The following CYSTM1 variants were observed in gnomAD, a reference collection of about 807,000 sequenced individuals.
CYSTM1 encodes the protein cysteine rich transmembrane module containing 1, also known as cysteine-rich transmembrane module-containing protein 1.
CYSTM1 carries 4 observed loss-of-function variants against 13.1 expected under a neutral mutation model. The observed-to-expected ratio is 0.31, with a 90% CI of 0.15 to 0.70. The LOEUF is 0.70. Among genes scored for constraint, CYSTM1 ranks in the 30% least tolerant of loss-of-function variants. CYSTM1 has a pLI of 0.72. For missense variants in CYSTM1, 96 were observed against 121.6 expected (o/e 0.79, Z 0.99); for synonymous variants, 36 against 42.7 (o/e 0.84, Z 0.62).
chr5:140,176,626 GT>G (rs1231477810), intron 1 of CYSTM1, among the ~76,000 whole-genome samples: 2 of 152,156 alleles, frequency 1.3e-5, no homozygotes, highest in African/African-American at 4.8e-5. Flanking sequence ...CAAACACCTT[GT>G]ATCCCTAGGG....
chr5:140,205,362 C>T (rs1380882733), intron 2 of CYSTM1, among the ~76,000 whole-genome samples: 2 of 152,204 alleles, frequency 1.3e-5, no homozygotes, highest in African/African-American at 2.4e-5. Context: ...GGTCTGGCAT[C>T]TCTGACTAAT....
At chr5:140,238,836 T>TGCGG (rs767280074) in intron 2 of CYSTM1, among the ~76,000 whole-genome samples, 1 of 152,244 alleles carries the variant, frequency 6.6e-6, no homozygotes, top group Non-Finnish European at 1.5e-5. Flanking sequence ...AGATGCCCAA[T>TGCGG]GCGGGGCAAG....
At chr5:140,192,559 C>G (rs1385733683) in intron 1 of CYSTM1, among the ~76,000 whole-genome samples, 3 of 152,184 alleles carry the variant, frequency 2.0e-5, no homozygotes, top group African/African-American at 7.2e-5. Flanking sequence ...CCCACTTAAT[C>G]TTAAAACTGG....
chr5:140,213,004 TATATATGA>T lies in CYSTM1; in HGVS notation c.187+18353_187+18360del, dbSNP rs1380054809. ...AAAAGTATATATATATATATATATATATATATGAGAGAGAGAGACAGAGAGAGAGAGAA... is the reference window on the plus strand; with the variant it reads ...AAAAGTATATATATATATATATATATGAGAGAGAGACAGAGAGAGAGAGAA... On this transcript the variant is annotated intron_variant, in intron 2 of 2. Coordinates refer to ENST00000261811, the MANE Select transcript of CYSTM1 (RefSeq NM_032412.4). Among the ~76,000 whole-genome samples the T allele has an allele frequency of 3.7e-5, 5 of 136,422 alleles. 1 individual carries two copies. Among genetic ancestry groups the T allele is most frequent in the South Asian group, 5.1e-4 (2 of 3,896 alleles). The allele number at this position is 136,422 out of a possible 152,430, so 89.5% of individuals were successfully genotyped here.
chr5:140,216,050 G>A (rs963835952), intron 2 of CYSTM1, among the ~76,000 whole-genome samples: 3 of 152,084 alleles, frequency 2.0e-5, no homozygotes, highest in African/African-American at 7.2e-5. Context: ...ACTGAGGCCA[G>A]AGAATCACTT....
chr5:140,192,376 G>T (rs1038731054), intron 1 of CYSTM1, among the ~76,000 whole-genome samples: 2 of 152,174 alleles, frequency 1.3e-5, no homozygotes, highest in African/African-American at 2.4e-5. Context: ...ATGTATGTTT[G>T]TGAATGTCAC....
chr5:140,205,937 G>A (rs1764292680), intron 2 of CYSTM1, among the ~76,000 whole-genome samples: 1 of 152,136 alleles, frequency 6.6e-6, no homozygotes, highest in South Asian at 2.1e-4. Flanking sequence ...GCCCTCTGCT[G>A]TCTTATTCTC....
rs375198568 is a variant in CYSTM1, at chr5:140,217,927, ATAAAAT to A, written c.187+23278_187+23283del. Among the ~76,000 whole-genome samples, 492 of 152,292 alleles carry A rather than the reference ATAAAAT, an allele frequency of 3.2e-3. 4 individuals are homozygous for A. Among genetic ancestry groups the A allele is most frequent in the African/African-American group, 0.011 (473 of 41,556 alleles). On this transcript the variant is annotated intron_variant, in intron 2 of 2. Coordinates refer to ENST00000261811, the MANE Select transcript of CYSTM1 (RefSeq NM_032412.4). ...TGCAGTCCTCAACATTTTCATCCAG[ATAAAAT>A]TAGGAGCTGAGGGTCCCCAGAGTTT... is the stretch of plus-strand genomic sequence containing the variant.
At chr5:140,234,302 G>A (rs1764651756) in intron 2 of CYSTM1, among the ~76,000 whole-genome samples, 1 of 152,156 alleles carries the variant, frequency 6.6e-6, no homozygotes, top group African/African-American at 2.4e-5. Context: ...CCATTCCTTT[G>A]ATCTATGTGT....
chr5:140,227,109 G>A (rs112381767), intron 2 of CYSTM1, among the ~76,000 whole-genome samples: 3,017 of 152,294 alleles, frequency 0.02, 36 homozygotes, highest in South Asian at 0.047. Flanking sequence ...GAATCCTCAA[G>A]GCTGTGCATA....
At chr5:140,205,338 G>A (rs954534414) in intron 2 of CYSTM1, among the ~76,000 whole-genome samples, 1 of 152,222 alleles carries the variant, frequency 6.6e-6, no homozygotes, top group African/African-American at 2.4e-5. Context: ...GAAAGAAGAG[G>A]AAGGAAATTT....
chr5:140,212,346 T>C (rs964336665), intron 2 of CYSTM1, among the ~76,000 whole-genome samples: 1 of 152,200 alleles, frequency 6.6e-6, no homozygotes, highest in Non-Finnish European at 1.5e-5. Flanking sequence ...CGTCATAAAG[T>C]GATGTGTTAC....
chr5:140,199,378 C>T (rs1764199171), intron 2 of CYSTM1, among the ~76,000 whole-genome samples: 1 of 152,222 alleles, frequency 6.6e-6, no homozygotes, highest in South Asian at 2.1e-4. Flanking sequence ...TGAGGAATTA[C>T]CACACTGTCT....
At chr5:140,229,020 C>G in intron 2 of CYSTM1, 1 of 386,382 alleles carries the variant, frequency 2.6e-6, no homozygotes, top group East Asian at 3.7e-5. Flanking sequence ...TTACTAGTGA[C>G]CTTGAACATA....
At position 140,239,686 on chromosome 5, in the gene CYSTM1, C is replaced by A. The variant is rs1764724087; in HGVS notation, c.188-3619C>A. On this transcript the variant is annotated intron_variant, in intron 2 of 2. Transcript: ENST00000261811. The surrounding 1 kb of genome is among the most constrained non-coding windows in gnomAD (Gnocchi z 5.4). ...CTGTGTGCTCACGCACCTCTCCCTG[C>A]ACGTTCCCCACCCCACACTTGTGTT... Among the ~76,000 whole-genome samples, 1 of 152,234 alleles carries A rather than the reference C, an allele frequency of 6.6e-6. No homozygotes were observed. The highest frequency in any genetic ancestry group is 6.5e-5 in the Admixed American group (1 of 15,290).
intron 1 of CYSTM1, among the ~76,000 whole-genome samples, chr5:140,177,927 A>T (rs1763911683): frequency 6.6e-6 from 1 of 152,184 alleles, no homozygotes; most frequent in Non-Finnish European, 1.5e-5. Context: ...CAAACAAAAT[A>T]ACTATGTGCT....
intron 2 of CYSTM1, among the ~76,000 whole-genome samples, chr5:140,195,294 G>A (rs748879249): frequency 1.3e-5 from 2 of 152,148 alleles, no homozygotes; most frequent in Non-Finnish European, 2.9e-5. Flanking sequence ...TGACATCCAA[G>A]TATGTAATCT....
intron 2 of CYSTM1, among the ~76,000 whole-genome samples, chr5:140,242,978 CA>C (rs1473837477): frequency 2.0e-5 from 3 of 152,298 alleles, no homozygotes; most frequent in South Asian, 2.1e-4. Flanking sequence ...AGTTCCCCTC[CA>C]GGGGGGAAGA....
intron 1 of CYSTM1, among the ~76,000 whole-genome samples, chr5:140,185,303 G>A (rs112763681): frequency 9.6e-4 from 146 of 152,262 alleles, no homozygotes; most frequent in Non-Finnish European, 1.4e-3. Flanking sequence ...GTATCATTTT[G>A]TACTCCATAG....
Sources: gnomAD v4.1 joint callset for allele counts (sites outside exome capture counted in the v4.1 genomes callset) on GRCh38, gnomAD v4.1.1 for gene constraint, Gnocchi (gnomAD v3.1) non-coding constraint, MANE v1.5 for transcripts, NCBI Gene and HGNC (gene_info 2026-07-23, HGNC 2026-07-21) for gene names.